The following CMTM8 variants were observed in gnomAD, a reference collection of about 807,000 sequenced individuals.
CMTM8 encodes CKLF like MARVEL transmembrane domain containing 8, also known as CKLF-like MARVEL transmembrane domain-containing protein 8.
Under a neutral mutation model 18.6 loss-of-function variants are expected in CMTM8, and 12 were observed. That is an observed-to-expected ratio of 0.65 (90% CI 0.41 to 1.05). The LOEUF (loss-of-function observed/expected upper bound fraction) is 1.05. Among genes scored for constraint, CMTM8 ranks in the 50% least tolerant of loss-of-function variants. CMTM8 has a pLI of 0.00. For missense variants in CMTM8, 217 were observed against 227.2 expected (o/e 0.95, Z 0.29); for synonymous variants, 87 against 90.6 (o/e 0.96, Z 0.23).
chr3:32,286,874 G>T (rs552860647), intron 1 of CMTM8, among the ~76,000 whole-genome samples: 1 of 152,378 alleles, frequency 6.6e-6, no homozygotes, highest in Non-Finnish European at 1.5e-5. Context: ...CCGCAGGTTG[G>T]ACAAGCTTGC....
chr3:32,257,870 C>T (rs950997871), intron 1 of CMTM8, among the ~76,000 whole-genome samples: 3 of 151,962 alleles, frequency 2.0e-5, no homozygotes, highest in Admixed American at 6.6e-5. Context: ...AGGTTTTCAT[C>T]GTGTGATATG....
At chr3:32,284,267 A>G (rs1178411531) in intron 1 of CMTM8, among the ~76,000 whole-genome samples, 5 of 152,234 alleles carry the variant, frequency 3.3e-5, no homozygotes, top group South Asian at 2.1e-4. Context: ...ATAAACAACA[A>G]TAACAAAAAA....
chr3:32,368,912 G>A (rs1024550536), intron 3 of CMTM8, among the ~76,000 whole-genome samples: 1 of 152,190 alleles, frequency 6.6e-6, no homozygotes, highest in African/African-American at 2.4e-5. Context: ...GAAGGAGGGA[G>A]GCAGTTAGAC....
intron 1 of CMTM8, among the ~76,000 whole-genome samples, chr3:32,280,119 GT>G (rs1478766119): frequency 1.3e-5 from 2 of 152,258 alleles, no homozygotes; most frequent in East Asian, 3.9e-4. Context: ...TCAGGAGGAA[GT>G]CCCTGATTGA....
At chr3:32,343,676 A>G (rs928885953) in intron 1 of CMTM8, among the ~76,000 whole-genome samples, 1 of 152,008 alleles carries the variant, frequency 6.6e-6, no homozygotes, top group Non-Finnish European at 1.5e-5. Context: ...TTGCACTGCC[A>G]TTGAGACCTC....
At chr3:32,284,712 A>G (rs972696184) in intron 1 of CMTM8, among the ~76,000 whole-genome samples, 11 of 152,214 alleles carry the variant, frequency 7.2e-5, no homozygotes, top group African/African-American at 2.7e-4. Flanking sequence ...GAGGAACTCA[A>G]TAAATATTTT....
At chr3:32,340,866 A>G (rs780330391) in intron 1 of CMTM8, among the ~76,000 whole-genome samples, 2 of 152,210 alleles carry the variant, frequency 1.3e-5, no homozygotes, top group Non-Finnish European at 2.9e-5. Flanking sequence ...CCCAAGCCTC[A>G]TTCACCTTTG....
chr3:32,319,095 T>TTTTTTTTTTTTTTTA (rs1695993332), intron 1 of CMTM8, among the ~76,000 whole-genome samples: 1 of 129,890 alleles, frequency 7.7e-6, no homozygotes, highest in Non-Finnish European at 1.6e-5. Flanking sequence ...TTTTTTTTTT[T>TTTTTTTTTTTTTTTA]GAGACAGAGT....
intron 1 of CMTM8, among the ~76,000 whole-genome samples, chr3:32,294,244 T>C (rs1329334447): frequency 6.6e-6 from 1 of 152,242 alleles, no homozygotes; most frequent in East Asian, 1.9e-4. Context: ...TTTCCCTGAA[T>C]GGCAAGTGTC....
intron 1 of CMTM8, among the ~76,000 whole-genome samples, chr3:32,329,636 A>G (rs1219707565): frequency 6.6e-6 from 1 of 152,254 alleles, no homozygotes; most frequent in East Asian, 1.9e-4. Flanking sequence ...ACTAAAGACC[A>G]TATATGATAA....
At chr3:32,287,960 G>A (rs1007290856) in intron 1 of CMTM8, among the ~76,000 whole-genome samples, 3 of 151,858 alleles carry the variant, frequency 2.0e-5, no homozygotes, top group Non-Finnish European at 4.4e-5. Context: ...GAGATGATCC[G>A]TTTATGGCTT....
At chr3:32,305,062 G>A (rs1280619930) in intron 1 of CMTM8, among the ~76,000 whole-genome samples, 2 of 152,148 alleles carry the variant, frequency 1.3e-5, no homozygotes, top group African/African-American at 4.8e-5. Context: ...GGCGGCATTA[G>A]GTAGAGAGTG....
chr3:32,291,328 G>T (rs748156448), intron 1 of CMTM8, among the ~76,000 whole-genome samples: 2 of 151,442 alleles, frequency 1.3e-5, no homozygotes, highest in African/African-American at 4.9e-5. Flanking sequence ...TTTTAGTAGA[G>T]ACAGGGTTTC....
chr3:32,306,750 C>A (rs1313142370), intron 1 of CMTM8, among the ~76,000 whole-genome samples: 1 of 152,144 alleles, frequency 6.6e-6, no homozygotes, highest in Non-Finnish European at 1.5e-5. Flanking sequence ...GTTTAGTGGG[C>A]AACCTTGAGT....
intron 1 of CMTM8, among the ~76,000 whole-genome samples, chr3:32,342,260 A>G (rs991214057): frequency 1.3e-5 from 2 of 152,218 alleles, no homozygotes; most frequent in Non-Finnish European, 2.9e-5. Context: ...AAAAACCCAA[A>G]AAACAAAAAC....
chr3:32,347,179 A>C (rs1696613378), intron 1 of CMTM8, among the ~76,000 whole-genome samples: 1 of 152,110 alleles, frequency 6.6e-6, no homozygotes, highest in Non-Finnish European at 1.5e-5. Context: ...TCCTTACATA[A>C]ATATTATTTA....
At chr3:32,259,303 A>G (rs1702221419) in intron 1 of CMTM8, 4 of 693,960 alleles carry the variant, frequency 5.8e-6, no homozygotes, top group Non-Finnish European at 8.0e-6. Context: ...AAGGGACCCC[A>G]GGTCAGAGAC....
At chr3:32,319,235 T>C (rs906939425) in intron 1 of CMTM8, among the ~76,000 whole-genome samples, 12 of 150,584 alleles carry the variant, frequency 8.0e-5, no homozygotes, top group African/African-American at 1.2e-4. Context: ...CCCACCACCA[T>C]GCCTGGCTAA....
Position 32,370,012 on chromosome 3 carries a change from A to T in CMTM8, c.*45A>T, listed in dbSNP as rs765899455. 3 of 1,113,248 alleles carry T rather than the reference A, an allele frequency of 2.7e-6. No individual in the cohort carries two copies. The highest frequency in any genetic ancestry group is 2.9e-5 in the South Asian group (2 of 69,640). 69.0% of individuals were successfully genotyped at this position (1,113,248 alleles called of 1,614,324 possible). On this transcript the variant is annotated 3_prime_UTR_variant, in exon 4 of 4. Coordinates refer to ENST00000307526, the MANE Select transcript of CMTM8 (RefSeq NM_178868.5). ...AAAGGAAAAAAAAAGGAAGACTCTC[A>T]CTGTAAAAACAGCTGTAGGTATAAT...
Sources: allele counts gnomAD v4.1 joint callset (sites outside exome capture counted in the v4.1 genomes callset), GRCh38; gene constraint gnomAD v4.1.1; transcripts MANE v1.5; gene names NCBI Gene and HGNC (gene_info 2026-07-23, HGNC 2026-07-21).